Variants in GMNC observed in about 807,000 individuals in gnomAD.
The protein encoded by GMNC is geminin coiled-coil domain-containing protein 1.
A neutral mutation model predicts 33.6 loss-of-function variants in GMNC; 16 were observed. That is an observed-to-expected ratio of 0.48 (90% CI 0.32 to 0.72). GMNC has a LOEUF of 0.72. Ranked by LOEUF, GMNC falls within the 30% of genes least tolerant of loss-of-function variation. The pLI is 0.03. For synonymous variants in GMNC, 156 were observed against 147.3 expected (o/e 1.06, Z -0.43); for missense variants, 393 against 388.9 (o/e 1.01, Z -0.09).
In GMNC at chr3:190,859,336, A is replaced by C. The variant is rs938255766; in HGVS notation, c.179-320T>G. Among the ~76,000 whole-genome samples the C allele has an allele frequency of 3.8e-5, 5 of 130,276 alleles. No homozygotes were observed. The South Asian group carries it at 1.2e-3, about 32-fold the overall frequency. The allele number at this position is 130,276 out of a possible 152,430, so 85.5% of individuals were successfully genotyped here. On this transcript the variant is annotated intron_variant, in intron 2 of 4. Coordinates refer to ENST00000442080, the MANE Select transcript of GMNC (RefSeq NM_001146686.3). Reference sequence around the variant, plus strand: ...TCCAGTCTTTGTCATTAATTTATGCAAATACTTATTGATCTCCCCCAAACT... The same window carrying C: ...TCCAGTCTTTGTCATTAATTTATGCCAATACTTATTGATCTCCCCCAAACT...
intron 3 of GMNC, among the ~76,000 whole-genome samples, chr3:190,858,415 A>G (rs1737793451): frequency 6.6e-6 from 1 of 152,142 alleles, no homozygotes; most frequent in South Asian, 2.1e-4. Context: ...AATAAATAAA[A>G]ATAGAGGTGG....
downstream of GMNC, among the ~76,000 whole-genome samples, chr3:190,852,359 CTT>C (rs1379521462): frequency 2.6e-5 from 4 of 152,034 alleles, no homozygotes; most frequent in African/African-American, 9.7e-5. Context: ...ATTTTTCAAA[CTT>C]ATAGTTTAGC....
chr3:190,858,055 C>T (rs146677614), intron 3 of GMNC, 156 bp from the exon 4 acceptor site: 207 of 607,134 alleles, frequency 3.4e-4, no homozygotes, highest in African/African-American at 3.2e-3. Flanking sequence ...TAAATTAAAT[C>T]TACATCCCCC....
rs1737689473 is a variant in GMNC, at chr3:190,854,403, TC to T, written c.*891del. 1 of 152,050 alleles carries T rather than the reference TC, an allele frequency of 6.6e-6. No homozygotes were observed. Among genetic ancestry groups the T allele is most frequent in the Non-Finnish European group, 1.5e-5 (1 of 68,004 alleles). The allele number at this position is 152,050 out of a possible 1,614,324, so 9.4% of individuals were successfully genotyped here. On this transcript the variant is annotated 3_prime_UTR_variant, in exon 5 of 5. Coordinates refer to ENST00000442080, the MANE Select transcript of GMNC (RefSeq NM_001146686.3). ...TCTACAGATTTCTTGGGTGGACTGA[TC>T]AATGAAAAAATGAATACGCGAATGA...
chr3:190,845,507 C>CTTTT, the GMNC span, among the ~76,000 whole-genome samples: 15 of 134,658 alleles, frequency 1.1e-4, no homozygotes, highest in African/African-American at 4.5e-4. Context: ...TATTTTGAAA[C>CTTTT]CTTTTTTTTT....
intron 4 of GMNC, among the ~76,000 whole-genome samples, chr3:190,857,358 A>C (rs76804620): frequency 0.053 from 8,112 of 152,066 alleles, 256 homozygotes; most frequent in African/African-American, 0.091. Context: ...TTTTTAAAAG[A>C]TATTTTAGAC....
At chr3:190,856,423 A>AT (rs1161941501) in intron 4 of GMNC, among the ~76,000 whole-genome samples, 4 of 144,782 alleles carry the variant, frequency 2.8e-5, no homozygotes, top group African/African-American at 1.0e-4. Context: ...ATTAATAAAT[A>AT]TTAATTTATA....
At chr3:190,843,804 CT>C in the GMNC span, among the ~76,000 whole-genome samples, 8 of 152,286 alleles carry the variant, frequency 5.3e-5, no homozygotes, top group Admixed American at 5.2e-4. Context: ...AAAAGGACAT[CT>C]TTCTCCACAT....
At position 190,862,649 on chromosome 3, in the gene GMNC, C is replaced by T. The variant is rs961963731; in HGVS notation, c.-34G>A. ...GGAAGAAAGCGCTGCAGAAACTGAG[C>T]CCACTCAATTTTTCAGTAAAACCAG... On this transcript the variant is annotated 5_prime_UTR_variant, in exon 1 of 5. Coordinates refer to ENST00000442080, the MANE Select transcript of GMNC (RefSeq NM_001146686.3). This position sits in a 1 kb window ranked among gnomAD's most constrained non-coding sequence, Gnocchi z 4.5. 1.4e-5 allele frequency: 22 copies of T among 1,552,144 alleles called. No individual in the cohort carries two copies. Among genetic ancestry groups the T allele is most frequent in the Non-Finnish European group, 1.9e-5 (22 of 1,147,022 alleles).
rs6444464 is a variant in GMNC at position 190,862,362 on chromosome 3, A to G, written c.3+251T>C. On this transcript the variant is annotated intron_variant, in intron 1 of 4. Coordinates refer to ENST00000442080, the MANE Select transcript of GMNC (RefSeq NM_001146686.3). This position sits in a 1 kb window ranked among gnomAD's most constrained non-coding sequence, Gnocchi z 4.5. The stretch of plus-strand genomic sequence containing the variant: ...AAGTAAGGAAAGTAGTAATAACAGA[A>G]AGAGAGAGAGAGGGCGAGAGAGAGA... Among the ~76,000 whole-genome samples the G allele has an allele frequency of 0.063, 9,315 of 147,566 alleles. 555 individuals carry two copies. The highest frequency in any genetic ancestry group is 0.25 in the East Asian group (1,239 of 5,000).
chr3:190,852,425 G>GCTT (rs1428293944), downstream of GMNC, among the ~76,000 whole-genome samples: 2 of 152,050 alleles, frequency 1.3e-5, no homozygotes, highest in African/African-American at 2.4e-5. Context: ...CATAGCTGAA[G>GCTT]CTTAGCAACA....
Position 190,855,695 on chromosome 3 carries a change from T to G in GMNC, c.605A>C (p.Asp202Ala). Residue 202 changes from aspartate to alanine, a missense_variant, in exon 5 of 5, where the codon GAT becomes GCT. Coordinates refer to ENST00000442080, the MANE Select transcript of GMNC (RefSeq NM_001146686.3). ...ACTGTAGTTAGCTGATGAGGTGTCA[T>G]CGATAGTGTCAAGGTCTTTTAACCC... ...TLGLKDLDTI[D>A]DTSSANYSAL... The G allele has an allele frequency of 6.4e-7, 1 of 1,551,604 alleles. No individual in the cohort carries two copies. Among genetic ancestry groups the G allele is most frequent in the Non-Finnish European group, 8.7e-7 (1 of 1,146,924 alleles).
Position 190,853,998 on chromosome 3 carries a change from TCAGAG to T in GMNC, c.*1292_*1296del, listed in dbSNP as rs1230870325. 2 of 152,150 alleles carry T rather than the reference TCAGAG, an allele frequency of 1.3e-5. No individual in the cohort carries two copies. The highest frequency in any genetic ancestry group is 1.5e-5 in the Non-Finnish European group (1 of 68,004). 9.4% of individuals were successfully genotyped at this position (152,150 alleles called of 1,614,324 possible). ...GGGCTCTAGAAAAAGAGTACTGTGATCAGAGCAATGATTTCTAATGTTAACTTCAA... is the reference window on the plus strand; with the variant it reads ...GGGCTCTAGAAAAAGAGTACTGTGATCAATGATTTCTAATGTTAACTTCAA... On this transcript the variant is annotated 3_prime_UTR_variant, in exon 5 of 5. Coordinates refer to ENST00000442080, the MANE Select transcript of GMNC (RefSeq NM_001146686.3).
the GMNC span, among the ~76,000 whole-genome samples, chr3:190,846,595 T>G: frequency 6.6e-6 from 1 of 152,214 alleles, no homozygotes; most frequent in Non-Finnish European, 1.5e-5. Flanking sequence ...ATTTATGACT[T>G]GCTGATAAGC....
At chr3:190,860,941 T>A (rs1376909629) in intron 1 of GMNC, 83 bp from the exon 2 acceptor site, 20 of 899,148 alleles carry the variant, frequency 2.2e-5, no homozygotes, top group Non-Finnish European at 3.3e-5. Flanking sequence ...GTGGGAGAAA[T>A]ACCGAAATTA....
rs550361619 is a variant in GMNC, at chr3:190,855,263, C to T, written c.*32G>A. On this transcript the variant is annotated 3_prime_UTR_variant, in exon 5 of 5. Coordinates refer to ENST00000442080, the MANE Select transcript of GMNC (RefSeq NM_001146686.3). ...AAGAGAGGTCTTTGTAAACAGAGTT[C>T]GTGGCAGTGCTTTGTGATAAAAGAG... The T allele has an allele frequency of 5.1e-5, 78 of 1,542,380 alleles. No individual in the cohort carries two copies. The highest frequency in any genetic ancestry group is 9.6e-5 in the African/African-American group (7 of 72,786).
Position 190,861,455 on chromosome 3 carries a change from C to CATCTATCTATCTATCTATCTATCT in GMNC, c.4-621_4-598dup, listed in dbSNP as rs11378580. On this transcript the variant is annotated intron_variant, in intron 1 of 4. Coordinates refer to ENST00000442080, the MANE Select transcript of GMNC (RefSeq NM_001146686.3). The surrounding 1 kb of genome is among the most constrained non-coding windows in gnomAD (Gnocchi z 5.1). Reference sequence around the variant, plus strand: ...TCTGTCTGTCTGTCTGTCTGCCTATCATCTATCTATCTATCTATCTATCTA... The same window carrying CATCTATCTATCTATCTATCTATCT: ...TCTGTCTGTCTGTCTGTCTGCCTATCATCTATCTATCTATCTATCTATCTATCTATCTATCTATCTATCTATCTA... Among the ~76,000 whole-genome samples the CATCTATCTATCTATCTATCTATCT allele has an allele frequency of 2.7e-5, 4 of 145,896 alleles. No individual in the cohort carries two copies. Among genetic ancestry groups the CATCTATCTATCTATCTATCTATCT allele is most frequent in the Non-Finnish European group, 6.0e-5 (4 of 66,462 alleles).
downstream of GMNC, among the ~76,000 whole-genome samples, chr3:190,852,451 T>C (rs1737649975): frequency 1.3e-5 from 2 of 152,138 alleles, no homozygotes; most frequent in African/African-American, 4.8e-5. Context: ...TTTTTCCAGA[T>C]ACGAGTGAGA....
Position 190,855,865 on chromosome 3 carries a change from C to G in GMNC, c.435G>C (p.Lys145Asn), listed in dbSNP as rs1444294956. The G allele has an allele frequency of 2.6e-6, 4 of 1,550,894 alleles. No homozygotes were observed. In the Admixed American group the frequency reaches 5.9e-5, roughly 23 times the overall value. The change falls in exon 5 of 5, where the codon AAG (lysine) becomes AAC (asparagine). Residue 145 changes from lysine to asparagine, a missense_variant. By Grantham distance (94) the Lys-to-Asn change is moderately conservative. Coordinates refer to ENST00000442080, the MANE Select transcript of GMNC (RefSeq NM_001146686.3). ...EFSKAYGKFRKGKRKSKEQRY... is the reference protein window; with the variant it reads ...EFSKAYGKFRNGKRKSKEQRY... ...TTTGCTCTTTGGATTTTCTCTTCCC[C>G]TTCCTGAATTTTCCATATGCTTTGG...
Sources: allele counts gnomAD v4.1 joint callset (sites outside exome capture counted in the v4.1 genomes callset), GRCh38; gene constraint gnomAD v4.1.1; non-coding constraint Gnocchi (gnomAD v3.1); transcripts MANE v1.5; gene names NCBI Gene and HGNC (gene_info 2026-07-23, HGNC 2026-07-21).